MECOM: variants seen among roughly 807,000 people sequenced by gnomAD.
MECOM encodes MDS1 and EVI1 complex locus.
A neutral mutation model predicts 116.3 loss-of-function variants in MECOM; 13 were observed. The observed-to-expected ratio is 0.11, with a 90% CI of 0.07 to 0.18. MECOM has a LOEUF of 0.18. MECOM is among the 10% of genes least tolerant of loss of function. MECOM has a pLI of 1.00. For missense variants in MECOM, 1,299 were observed against 1,509.0 expected (o/e 0.86, Z 2.31); for synonymous variants, 528 against 535.2 (o/e 0.99, Z 0.19).
chr3:169,181,573 A>G (rs1745972305), intron 2 of MECOM, among the ~76,000 whole-genome samples: 1 of 152,172 alleles, frequency 6.6e-6, no homozygotes, highest in South Asian at 2.1e-4. Context: ...TCCAGACTTC[A>G]ATTATGCCTC....
chr3:169,653,893 C>T (rs753151595), intron 1 of MECOM, among the ~76,000 whole-genome samples: 11 of 152,128 alleles, frequency 7.2e-5, no homozygotes, highest in East Asian at 1.9e-4. Context: ...ATCTCACTCC[C>T]GACCTGTACT....
chr3:169,332,038 T>C (rs1349981669), intron 2 of MECOM, among the ~76,000 whole-genome samples: 2 of 149,682 alleles, frequency 1.3e-5, no homozygotes, highest in Non-Finnish European at 3.0e-5. Context: ...TATTGAGGTG[T>C]TTCTACAGAC....
At chr3:169,496,251 T>A (rs1488004757) in intron 1 of MECOM, among the ~76,000 whole-genome samples, 1 of 152,194 alleles carries the variant, frequency 6.6e-6, no homozygotes, top group African/African-American at 2.4e-5. Flanking sequence ...TCTATAAGCC[T>A]TAAAGATTCC....
At chr3:169,431,576 T>C (rs941984402) in intron 1 of MECOM, among the ~76,000 whole-genome samples, 1 of 152,208 alleles carries the variant, frequency 6.6e-6, no homozygotes, top group Non-Finnish European at 1.5e-5. Context: ...TTCCCTACTT[T>C]GTAATTCCCT....
intron 1 of MECOM, among the ~76,000 whole-genome samples, chr3:169,421,547 T>C (rs1739736266): frequency 6.6e-6 from 1 of 152,154 alleles, no homozygotes; most frequent in Admixed American, 6.6e-5. Context: ...TTCTTAACAC[T>C]GTCTTCTTCT....
At chr3:169,554,669 C>A (rs1761826664) in intron 1 of MECOM, among the ~76,000 whole-genome samples, 1 of 152,138 alleles carries the variant, frequency 6.6e-6, no homozygotes, top group African/African-American at 2.4e-5. Context: ...TATTCTTAAA[C>A]CCATAGTTTC....
intron 1 of MECOM, among the ~76,000 whole-genome samples, chr3:169,554,775 T>A (rs1761837876): frequency 6.6e-6 from 1 of 152,204 alleles, no homozygotes; most frequent in Admixed American, 6.5e-5. Flanking sequence ...AAGGAGCAGC[T>A]AGTCAGGCTG....
chr3:169,212,633 AATGTATATATATATAT>A (rs1458215117), intron 2 of MECOM, among the ~76,000 whole-genome samples: 2,744 of 85,500 alleles, frequency 0.032, 298 homozygotes, highest in East Asian at 0.12. Context: ...TCTAGTCAGC[AATGTATATATATATAT>A]ATATATATAT....
intron 1 of MECOM, among the ~76,000 whole-genome samples, chr3:169,472,283 A>C (rs1236170145): frequency 6.6e-6 from 1 of 150,902 alleles, no homozygotes. Flanking sequence ...GTAAAAAAAA[A>C]AACAATAATA....
chr3:169,659,972 G>A (rs1776068881), intron 1 of MECOM, among the ~76,000 whole-genome samples: 1 of 152,130 alleles, frequency 6.6e-6, no homozygotes, highest in Non-Finnish European at 1.5e-5. Flanking sequence ...GACTTCTGGG[G>A]GGCCGGTAGC....
intron 2 of MECOM, chr3:169,146,159 A>C: frequency 1.0e-6 from 1 of 985,924 alleles, no homozygotes; most frequent in Non-Finnish European, 1.3e-6. Context: ...AAAACCGTTT[A>C]GGTAGACTTT....
chr3:169,332,005 TAAAAAAAA>T (rs10551909), intron 2 of MECOM, among the ~76,000 whole-genome samples: 2 of 137,534 alleles, frequency 1.5e-5, no homozygotes, highest in Non-Finnish European at 3.2e-5. Flanking sequence ...CTTTTTTATT[TAAAAAAAA>T]AAAAAAAAAA....
intron 1 of MECOM, among the ~76,000 whole-genome samples, chr3:169,541,576 C>T (rs539917855): frequency 3.3e-5 from 5 of 152,332 alleles, no homozygotes; most frequent in African/African-American, 9.6e-5. Flanking sequence ...AGCATGGATG[C>T]AGGACCCCAA....
chr3:169,140,293 T>C (rs367664106), intron 3 of MECOM, among the ~76,000 whole-genome samples: 26 of 152,186 alleles, frequency 1.7e-4, no homozygotes, highest in East Asian at 9.6e-4. Context: ...CATAGACCTA[T>C]GTAGCATTGT....
At chr3:169,413,365 C>G (rs562329571) in intron 1 of MECOM, among the ~76,000 whole-genome samples, 164 of 152,304 alleles carry the variant, frequency 1.1e-3, no homozygotes, top group Non-Finnish European at 1.7e-3. Flanking sequence ...ACCCACAGAC[C>G]AGGAGATTCC....
At chr3:169,086,488 T>C in intron 16 of MECOM, 1 of 661,858 alleles carries the variant, frequency 1.5e-6, no homozygotes, top group Non-Finnish European at 2.7e-6. Flanking sequence ...ATTTTAATCC[T>C]GCCTTTAAAC....
intron 2 of MECOM, among the ~76,000 whole-genome samples, chr3:169,273,399 A>G (rs1487533964): frequency 2.0e-5 from 3 of 152,226 alleles, no homozygotes; most frequent in African/African-American, 7.2e-5. Flanking sequence ...TTCTCATCAC[A>G]AAGAGTAAAA....
chr3:169,222,099 T>C (rs936492764), intron 2 of MECOM, among the ~76,000 whole-genome samples: 5 of 152,218 alleles, frequency 3.3e-5, no homozygotes, highest in Admixed American at 2.6e-4. Flanking sequence ...GAGGCTACCT[T>C]ACTGGAGAAC....
chr3:169,403,970 C>A (rs1263343495), intron 1 of MECOM, among the ~76,000 whole-genome samples: 1 of 151,780 alleles, frequency 6.6e-6, no homozygotes, highest in Non-Finnish European at 1.5e-5. Context: ...CTGAGAAAAC[C>A]CAAAATGGAA....
Sources: allele counts gnomAD v4.1 joint callset (sites outside exome capture counted in the v4.1 genomes callset), GRCh38; gene constraint gnomAD v4.1.1; transcripts MANE v1.5; gene names NCBI Gene and HGNC (gene_info 2026-07-23, HGNC 2026-07-21).